SLCO3A1: variants seen among roughly 807,000 people sequenced by gnomAD.
SLCO3A1 encodes the protein PGE1 transporter.
SLCO3A1 carries 27 observed loss-of-function variants against 63.1 expected under a neutral mutation model. The ratio of observed to expected loss-of-function variants is 0.43; its 90% CI spans 0.32 to 0.59. The LOEUF is 0.59. Among genes scored for constraint, SLCO3A1 ranks in the 20% least tolerant of loss-of-function variants. SLCO3A1 has a pLI of 0.09. For synonymous variants in SLCO3A1, 473 were observed against 409.9 expected (o/e 1.15, Z -1.86); for missense variants, 773 against 945.8 (o/e 0.82, Z 2.40).
chr15:91,926,387 C>T (rs1182868192), intron 2 of SLCO3A1, among the ~76,000 whole-genome samples: 2 of 152,140 alleles, frequency 1.3e-5, no homozygotes, highest in Non-Finnish European at 2.9e-5. Flanking sequence ...TATTCAATGG[C>T]TCGTTTATTG....
At chr15:92,142,666 C>T (rs1162268336) in intron 7 of SLCO3A1, among the ~76,000 whole-genome samples, 1 of 152,204 alleles carries the variant, frequency 6.6e-6, no homozygotes, top group East Asian at 1.9e-4. Flanking sequence ...CTTAACCCTG[C>T]TGTCTGCTCG....
intron 2 of SLCO3A1, among the ~76,000 whole-genome samples, chr15:92,082,732 G>T (rs544301374): frequency 6.6e-6 from 1 of 152,350 alleles, no homozygotes; most frequent in South Asian, 2.1e-4. Flanking sequence ...GAGTTGGGAA[G>T]TGAATCTTCC....
intron 1 of SLCO3A1, among the ~76,000 whole-genome samples, chr15:91,908,302 C>CT (rs1215442731): frequency 6.6e-6 from 1 of 150,682 alleles, no homozygotes; most frequent in Admixed American, 6.6e-5. Flanking sequence ...TCTTACTCTG[C>CT]TTTTTAAAGA....
chr15:92,045,011 A>C (rs1430899064), intron 2 of SLCO3A1, among the ~76,000 whole-genome samples: 1 of 152,062 alleles, frequency 6.6e-6, no homozygotes. Flanking sequence ...TAATAATTAA[A>C]ACATGTTGTC....
At chr15:92,170,041 C>A (rs577999630), downstream of SLCO3A1, among the ~76,000 whole-genome samples, 3 of 152,256 alleles carry the variant, frequency 2.0e-5, no homozygotes, top group East Asian at 5.8e-4. Context: ...AGCAAATGAA[C>A]AACATAGTAA....
intron 2 of SLCO3A1, among the ~76,000 whole-genome samples, chr15:91,943,405 G>C (rs920426853): frequency 1.3e-5 from 2 of 152,184 alleles, no homozygotes; most frequent in African/African-American, 4.8e-5. Context: ...GTTGTAGCCT[G>C]TGTCAGAATT....
intron 2 of SLCO3A1, among the ~76,000 whole-genome samples, chr15:92,004,271 G>A (rs748646675): frequency 3.9e-5 from 6 of 152,208 alleles, no homozygotes; most frequent in Non-Finnish European, 8.8e-5. Context: ...GTGTGATTGT[G>A]GCATGCAGCC....
At chr15:92,068,463 AC>A (rs2047177560) in intron 2 of SLCO3A1, among the ~76,000 whole-genome samples, 1 of 152,162 alleles carries the variant, frequency 6.6e-6, no homozygotes, top group African/African-American at 2.4e-5. Flanking sequence ...TAGCCCAACC[AC>A]ACTGGGATGC....
chr15:91,911,711 C>T lies in SLCO3A1; in HGVS notation c.181-4282C>T, dbSNP rs1898492320. ...GCGCAGTCTTGGCTCACTGCAACCT[C>T]TGCCTCCCGGGTTCAAGCAGTTCTC... On this transcript the variant is annotated intron_variant, in intron 1 of 9. Transcript: ENST00000318445. Among the ~76,000 whole-genome samples the T allele has an allele frequency of 4.6e-5, 7 of 152,172 alleles. No homozygotes were observed. In the South Asian group the frequency reaches 1.4e-3, roughly 31 times the overall value.
At chr15:92,136,193 G>T (rs1272727776) in intron 7 of SLCO3A1, among the ~76,000 whole-genome samples, 1 of 152,126 alleles carries the variant, frequency 6.6e-6, no homozygotes. Flanking sequence ...TATTCCAGGG[G>T]CGATCCTCTA....
chr15:91,999,101 G>T (rs745620044), intron 2 of SLCO3A1, among the ~76,000 whole-genome samples: 2 of 152,284 alleles, frequency 1.3e-5, no homozygotes, highest in Middle Eastern at 6.8e-3. Flanking sequence ...ACTCGTGGAC[G>T]TAAAGTCGGC....
chr15:91,940,789 T>C lies in SLCO3A1; in HGVS notation c.646+24331T>C, dbSNP rs146738310. On this transcript the variant is annotated intron_variant, in intron 2 of 9. Transcript: ENST00000318445. ...GTAAATCCCCCTTTCTATGGGGAGA[T>C]GTGAGTGAGTGAGTGGTGAATGAGC... 8.1e-3 allele frequency among the ~76,000 whole-genome samples: 1,239 copies of C among 152,178 alleles called. 15 individuals are homozygous for C. Among genetic ancestry groups the C allele is most frequent in the African/African-American group, 0.029 (1,188 of 41,510 alleles).
chr15:92,117,329 G>C (rs1454226093), intron 4 of SLCO3A1, among the ~76,000 whole-genome samples: 1 of 152,196 alleles, frequency 6.6e-6, no homozygotes, highest in Non-Finnish European at 1.5e-5. Context: ...CCCGGCAGCA[G>C]TTTTACTTGT....
intron 2 of SLCO3A1, among the ~76,000 whole-genome samples, chr15:91,966,036 G>A (rs910202108): frequency 1.3e-5 from 2 of 152,092 alleles, no homozygotes; most frequent in Non-Finnish European, 2.9e-5. Flanking sequence ...GGTTCATTCC[G>A]TGAGTCATCC....
Position 92,154,194 on chromosome 15 carries a change from T to A in SLCO3A1, c.1753+3180T>A, listed in dbSNP as rs142351444. On this transcript the variant is annotated intron_variant, in intron 9 of 9. Coordinates refer to ENST00000318445, the MANE Select transcript of SLCO3A1 (RefSeq NM_013272.4). ...TAGGGTTGAGAAATAAAAGGAGGAA[T>A]CTGCATTATGCATTATTCTCCAAGT... 1.3e-3 allele frequency among the ~76,000 whole-genome samples: 197 copies of A among 152,258 alleles called. 1 individual carries two copies. Among genetic ancestry groups the A allele is most frequent in the African/African-American group, 4.2e-3 (176 of 41,540 alleles).
In SLCO3A1 at chr15:91,974,566, C is replaced by T. The variant is rs570486276; in HGVS notation, c.646+58108C>T. Among the ~76,000 whole-genome samples, 20 of 151,460 alleles carry T rather than the reference C, an allele frequency of 1.3e-4. No homozygotes were observed. The East Asian group carries it at 2.9e-3, about 22-fold the overall frequency. On this transcript the variant is annotated intron_variant, in intron 2 of 9. Coordinates refer to ENST00000318445, the MANE Select transcript of SLCO3A1 (RefSeq NM_013272.4). ...CGTGGTGGGAGGTAAAAGGTGCCAG[C>T]GGGCAGAGCCAGGCAGGGTAGGCGT...
intron 2 of SLCO3A1, among the ~76,000 whole-genome samples, chr15:91,938,433 C>T (rs960368046): frequency 1.3e-5 from 2 of 151,144 alleles, no homozygotes; most frequent in Non-Finnish European, 2.9e-5. Context: ...GATGGATTAG[C>T]TCATGTGCAA....
At chr15:91,980,913 T>A (rs1597183936) in intron 2 of SLCO3A1, among the ~76,000 whole-genome samples, 1 of 152,190 alleles carries the variant, frequency 6.6e-6, no homozygotes, top group Non-Finnish European at 1.5e-5. Context: ...CAGGTGACCA[T>A]AATTCATGTG....
intron 4 of SLCO3A1, among the ~76,000 whole-genome samples, chr15:92,106,510 G>T (rs868637600): frequency 1.8e-4 from 28 of 152,172 alleles, no homozygotes; most frequent in Middle Eastern, 3.2e-3. Flanking sequence ...AGGCATGAGA[G>T]TGTGGCTTTC....
Sources: allele counts gnomAD v4.1 joint callset (sites outside exome capture counted in the v4.1 genomes callset), GRCh38; gene constraint gnomAD v4.1.1; transcripts MANE v1.5; gene names NCBI Gene and HGNC (gene_info 2026-07-23, HGNC 2026-07-21).